Variants in RIMS1 observed in about 807,000 individuals in gnomAD.
The protein encoded by RIMS1 is regulating synaptic membrane exocytosis 1, also known as regulating synaptic membrane exocytosis protein 1.
RIMS1 carries 83 observed loss-of-function variants against 214.1 expected under a neutral mutation model. The ratio of observed to expected loss-of-function variants is 0.39; its 90% CI spans 0.32 to 0.47. The LOEUF is 0.47. Among genes scored for constraint, RIMS1 ranks in the 20% least tolerant of loss-of-function variants. RIMS1 has a pLI of 0.99. For synonymous variants in RIMS1, 793 were observed against 786.8 expected, an observed-to-expected ratio of 1.01 and a Z score of -0.13; for missense variants, 2,050 against 2,161.8, an observed-to-expected ratio of 0.95 and a Z score of 1.03.
intron 1 of RIMS1, among the ~76,000 whole-genome samples, chr6:71,964,650 C>T (rs766477703): frequency 1.3e-5 from 2 of 151,082 alleles, no homozygotes; most frequent in Admixed American, 6.6e-5. Context: ...TGATCAGCCA[C>T]GGTGGAGATG....
chr6:72,194,173 C>A (rs911962734), intron 6 of RIMS1, among the ~76,000 whole-genome samples: 1 of 152,046 alleles, frequency 6.6e-6, no homozygotes, highest in Non-Finnish European at 1.5e-5. Context: ...CCATCCAAAG[C>A]AATATACAAA....
At chr6:72,328,700 G>T (rs998405718) in intron 28 of RIMS1, among the ~76,000 whole-genome samples, 1 of 151,474 alleles carries the variant, frequency 6.6e-6, no homozygotes, top group Non-Finnish European at 1.5e-5. Context: ...ACAGCTATAG[G>T]GTTAAAATTA....
At chr6:72,318,644 A>G (rs559513498) in intron 28 of RIMS1, among the ~76,000 whole-genome samples, 1 of 152,228 alleles carries the variant, frequency 6.6e-6, no homozygotes, top group East Asian at 1.9e-4. Context: ...ATTCTGGATC[A>G]TTCTCCTCTC....
intron 29 of RIMS1, among the ~76,000 whole-genome samples, chr6:72,387,906 ACATAGT>A (rs1354372877): frequency 5.3e-5 from 8 of 152,354 alleles, no homozygotes; most frequent in Admixed American, 1.3e-4. Flanking sequence ...ATGATGAACC[ACATAGT>A]CATAAAGTGG....
At chr6:72,051,143 T>C (rs1453040913) in intron 2 of RIMS1, among the ~76,000 whole-genome samples, 1 of 152,164 alleles carries the variant, frequency 6.6e-6, no homozygotes, top group Non-Finnish European at 1.5e-5. Context: ...TCCTACCCTT[T>C]TCGTTATCTC....
chr6:72,060,657 G>C (rs1368770326), intron 2 of RIMS1, among the ~76,000 whole-genome samples: 1 of 152,076 alleles, frequency 6.6e-6, no homozygotes, highest in Non-Finnish European at 1.5e-5. Context: ...AAATACCAAA[G>C]CCATTTTTTT....
intron 29 of RIMS1, among the ~76,000 whole-genome samples, chr6:72,369,204 A>C (rs973092445): frequency 6.6e-6 from 1 of 151,876 alleles, no homozygotes; most frequent in Non-Finnish European, 1.5e-5. Context: ...TGAAATGATA[A>C]GAATCTCAAT....
intron 10 of RIMS1, among the ~76,000 whole-genome samples, chr6:72,244,385 AC>A (rs1347989618): frequency 6.6e-6 from 1 of 151,874 alleles, no homozygotes; most frequent in Non-Finnish European, 1.5e-5. Context: ...ACTAAAAGTC[AC>A]TTTAACATAT....
At chr6:72,138,794 C>G (rs1479069086) in intron 4 of RIMS1, among the ~76,000 whole-genome samples, 1 of 152,100 alleles carries the variant, frequency 6.6e-6, no homozygotes, top group Non-Finnish European at 1.5e-5. Flanking sequence ...ATTCAGAAGA[C>G]TAATAACACC....
chr6:72,363,922 G>T (rs1164767878), intron 29 of RIMS1, among the ~76,000 whole-genome samples: 1 of 152,306 alleles, frequency 6.6e-6, no homozygotes, highest in South Asian at 2.1e-4. Context: ...GGGGAGGAAA[G>T]GCAACCTCAT....
chr6:71,931,385 A>G (rs1453153976), intron 1 of RIMS1, among the ~76,000 whole-genome samples: 1 of 152,076 alleles, frequency 6.6e-6, no homozygotes, highest in African/African-American at 2.4e-5. Context: ...GAATTTAAAA[A>G]TAGCCATTTG....
At chr6:72,161,461 T>G (rs1473299991) in intron 4 of RIMS1, among the ~76,000 whole-genome samples, 2 of 140,612 alleles carry the variant, frequency 1.4e-5, no homozygotes, top group East Asian at 4.0e-4. Context: ...GCTTCTCTAG[T>G]TCTTTTAATT....
At chr6:71,923,601 CTT>C (rs1253083158) in intron 1 of RIMS1, among the ~76,000 whole-genome samples, 1 of 151,262 alleles carries the variant, frequency 6.6e-6, no homozygotes, top group Non-Finnish European at 1.5e-5. Flanking sequence ...GAGTTTCGCT[CTT>C]GTTTCCCAGC....
At chr6:72,324,076 A>ATAGATAGG (rs2096321711) in intron 28 of RIMS1, among the ~76,000 whole-genome samples, 2 of 150,832 alleles carry the variant, frequency 1.3e-5, no homozygotes, top group African/African-American at 4.9e-5. Flanking sequence ...AGATAGATAG[A>ATAGATAGG]TAGAGAACAA....
At chr6:72,265,876 A>G (rs543600041) in intron 21 of RIMS1, 84 bp from the exon 22 acceptor site, 1 of 922,912 alleles carries the variant, frequency 1.1e-6, no homozygotes, top group African/African-American at 1.7e-5. Context: ...ACATTATTTT[A>G]TGCTTTACTC....
chr6:72,386,602 C>A (rs1476066657), intron 29 of RIMS1, among the ~76,000 whole-genome samples: 1 of 152,058 alleles, frequency 6.6e-6, no homozygotes, highest in African/African-American at 2.4e-5. Flanking sequence ...TTCCCCCTGC[C>A]CTGCTTAATC....
intron 22 of RIMS1, among the ~76,000 whole-genome samples, chr6:72,272,300 C>A (rs1340698922): frequency 6.6e-6 from 1 of 152,090 alleles, no homozygotes; most frequent in Non-Finnish European, 1.5e-5. Context: ...TTATAGAAAG[C>A]ATATAAAATA....
intron 2 of RIMS1, among the ~76,000 whole-genome samples, chr6:72,057,268 G>A (rs1314314030): frequency 6.6e-6 from 1 of 152,092 alleles, no homozygotes; most frequent in African/African-American, 2.4e-5. Flanking sequence ...CTGCTTTCTG[G>A]ACCTCCAACC....
rs373005145 is a variant in RIMS1 at position 72,175,283 on chromosome 6, A to G, written c.472-4292A>G. On this transcript the variant is annotated intron_variant, in intron 4 of 33. Transcript: ENST00000521978. The stretch of plus-strand genomic sequence containing the variant: ...AGTATCAAATGAAAATTGAATCACA[A>G]TCTCTTTTTCTAAACCTTCATGCTT... 3.3e-5 allele frequency: 7 copies of G among 211,698 alleles called. No individual in the cohort carries two copies. The East Asian group carries it at 7.0e-4, about 21-fold the overall frequency. 13.1% of individuals were successfully genotyped at this position (211,698 alleles called of 1,614,324 possible).
Sources: allele counts gnomAD v4.1 joint callset (sites outside exome capture counted in the v4.1 genomes callset), GRCh38; gene constraint gnomAD v4.1.1; transcripts MANE v1.5; gene names NCBI Gene and HGNC (gene_info 2026-07-23, HGNC 2026-07-21).